The following CFAP54 variants were observed in gnomAD, a reference collection of about 807,000 sequenced individuals.
CFAP54 encodes cilia and flagella associated protein 54.
A neutral mutation model predicts 370.4 loss-of-function variants in CFAP54; 290 were observed. The observed-to-expected ratio is 0.78, with a 90% CI of 0.71 to 0.86. The LOEUF (loss-of-function observed/expected upper bound fraction) is 0.86, where lower values mean the gene tolerates loss of function less well. Among genes scored for constraint, CFAP54 ranks in the 40% least tolerant of loss-of-function variants. CFAP54 has a pLI of 0.00. For missense variants in CFAP54, 3,399 were observed against 3,528.7 expected (o/e 0.96, Z 0.93); for synonymous variants, 1,206 against 1,236.5 (o/e 0.98, Z 0.52).
chr12:96,681,759 C>G (rs191288654), intron 40 of CFAP54, among the ~76,000 whole-genome samples: 2 of 152,118 alleles, frequency 1.3e-5, no homozygotes, highest in African/African-American at 2.4e-5. Context: ...TGCGCCACCA[C>G]GCCCGGCTAA....
Position 96,832,803 on chromosome 12 carries a change from CA to C in CFAP54, c.9171+3717del, listed in dbSNP as rs1377346860. On this transcript the variant is annotated intron_variant, in intron 66 of 67. Transcript: ENST00000524981. Reference sequence around the variant, plus strand: ...GAATTAGGTCTATATTGCAGGATCCCAACATGAGATCCTAGTGGTGAAAGCA... The same window carrying C: ...GAATTAGGTCTATATTGCAGGATCCCACATGAGATCCTAGTGGTGAAAGCA... Among the ~76,000 whole-genome samples the C allele has an allele frequency of 3.3e-5, 5 of 152,208 alleles. No homozygotes were observed. The East Asian group carries it at 9.7e-4, about 29-fold the overall frequency.
chr12:96,517,285 T>C (rs1427364963), intron 5 of CFAP54, among the ~76,000 whole-genome samples: 8 of 152,184 alleles, frequency 5.3e-5, no homozygotes, highest in Admixed American at 5.2e-4. Context: ...CTCTTTTGAT[T>C]AGAGTGAGTT....
chr12:96,698,662 C>T (rs75924857), intron 45 of CFAP54, among the ~76,000 whole-genome samples: 3 of 152,114 alleles, frequency 2.0e-5, no homozygotes, highest in African/African-American at 7.2e-5. Context: ...GAACAATAGA[C>T]GCCAGGGCCT....
intron 63 of CFAP54, among the ~76,000 whole-genome samples, chr12:96,802,408 A>G (rs917034677): frequency 1.3e-5 from 2 of 152,126 alleles, no homozygotes; most frequent in African/African-American, 4.8e-5. Context: ...GGGGAGACCA[A>G]ACTATCCTAA....
intron 49 of CFAP54, 22 bp downstream of exon 49, chr12:96,718,544 A>G (rs1314453589): frequency 6.9e-7 from 1 of 1,449,430 alleles, no homozygotes; most frequent in Non-Finnish European, 9.6e-7. Context: ...ACTGTTTTCA[A>G]ACCATTAAGT....
At chr12:96,599,159 GC>G (rs1322461808) in intron 26 of CFAP54, among the ~76,000 whole-genome samples, 2 of 81,456 alleles carry the variant, frequency 2.5e-5, no homozygotes, top group Non-Finnish European at 5.0e-5. Flanking sequence ...CCCTCCCCCA[GC>G]CCCCCACCCC....
chr12:96,529,051 T>C (rs2136376268), intron 9 of CFAP54, among the ~76,000 whole-genome samples: 1 of 152,250 alleles, frequency 6.6e-6, no homozygotes, highest in East Asian at 1.9e-4. Flanking sequence ...AACCAAAATA[T>C]GGGAGATTTT....
In CFAP54 at chr12:96,647,861, T is replaced by A; in HGVS notation, c.4548-14T>A. ...CTTATATTGTTTTTTAATATGATTT[T>A]TCCCCCCTTGCAGTTTCCGATCATG... On this transcript the variant is annotated splice_polypyrimidine_tract_variant and intron_variant, in intron 33 of 67. Transcript: ENST00000524981. The A allele has an allele frequency of 6.7e-7, 1 of 1,487,748 alleles. No individual in the cohort carries two copies. Among genetic ancestry groups the A allele is most frequent in the South Asian group, 1.4e-5 (1 of 73,956 alleles). The allele number at this position is 1,487,748 out of a possible 1,614,324, so 92.2% of individuals were successfully genotyped here. A position where few individuals can be genotyped will look rare whatever the true frequency, so the allele number is the denominator to read the frequency against.
At chr12:96,699,384 G>C (rs533126718) in intron 45 of CFAP54, among the ~76,000 whole-genome samples, 1 of 152,188 alleles carries the variant, frequency 6.6e-6, no homozygotes, top group South Asian at 2.1e-4. Context: ...CTATTCTCCT[G>C]CCTCATACTT....
intron 48 of CFAP54, among the ~76,000 whole-genome samples, chr12:96,709,589 G>A (rs1477076655): frequency 2.0e-5 from 3 of 152,016 alleles, no homozygotes; most frequent in Non-Finnish European, 2.9e-5. Flanking sequence ...CATCTATTGG[G>A]ATGATTATGT....
chr12:96,590,132 G>T (rs2136433146), intron 23 of CFAP54, among the ~76,000 whole-genome samples: 1 of 152,296 alleles, frequency 6.6e-6, no homozygotes, highest in Middle Eastern at 3.4e-3. Context: ...ACAAACCAAA[G>T]TAATATCAGT....
At chr12:96,816,154 A>G (rs1181405971) in intron 64 of CFAP54, among the ~76,000 whole-genome samples, 1 of 152,204 alleles carries the variant, frequency 6.6e-6, no homozygotes, top group East Asian at 1.9e-4. Flanking sequence ...TACTTTGGGC[A>G]GTATGGCCAT....
chr12:96,555,564 A>C (rs192776343), intron 17 of CFAP54, among the ~76,000 whole-genome samples: 1 of 146,670 alleles, frequency 6.8e-6, no homozygotes, highest in African/African-American at 2.4e-5. Flanking sequence ...TATATAATAC[A>C]TAATATATAA....
At chr12:96,702,739 G>A (rs1381970913) in intron 46 of CFAP54, among the ~76,000 whole-genome samples, 3 of 152,302 alleles carry the variant, frequency 2.0e-5, no homozygotes, top group African/African-American at 4.8e-5. Flanking sequence ...AATTTCAAAA[G>A]TGTAATTAAA....
intron 32 of CFAP54, among the ~76,000 whole-genome samples, chr12:96,641,456 A>G (rs1410043198): frequency 6.6e-6 from 1 of 152,004 alleles, no homozygotes; most frequent in Admixed American, 6.5e-5. Flanking sequence ...GTGGAGAAAT[A>G]GGAACACTTT....
chr12:96,609,038 C>T (rs781282671), intron 26 of CFAP54, among the ~76,000 whole-genome samples: 40 of 152,078 alleles, frequency 2.6e-4, no homozygotes, highest in Non-Finnish European at 5.1e-4. Flanking sequence ...TCCTAAAACA[C>T]GATGACAAAC....
intron 17 of CFAP54, among the ~76,000 whole-genome samples, chr12:96,563,968 G>A (rs1014798429): frequency 1.3e-5 from 2 of 152,174 alleles, no homozygotes; most frequent in Non-Finnish European, 2.9e-5. Flanking sequence ...GCAAGTTCAT[G>A]TTTTAGTTCA....
rs1383270200 is a variant in CFAP54 at position 96,554,753 on chromosome 12, A to G, written c.2361A>G (p.Leu787=). 3 of 1,535,102 alleles carry G rather than the reference A, an allele frequency of 2.0e-6. No homozygotes were observed. In the African/African-American group the frequency reaches 4.1e-5, roughly 21 times the overall value. ...NSFMMDLHLE[L]IQAQHRIAVV... ...TCATGATGGATTTGCATCTTGAACT[A>G]ATTCAAGCTCAGCATCGAATAGCTG... The change falls in exon 17 of 68, where the codon CTA becomes CTG. Residue 787 remains leucine (L), a synonymous_variant. Coordinates refer to ENST00000524981, the MANE Select transcript of CFAP54 (RefSeq NM_001306084.2).
intron 66 of CFAP54, among the ~76,000 whole-genome samples, chr12:96,837,648 A>G (rs1324454738): frequency 6.6e-6 from 1 of 152,234 alleles, no homozygotes; most frequent in Non-Finnish European, 1.5e-5. Flanking sequence ...AAATGCAGGA[A>G]TGACTCATGA....
Sources: allele counts gnomAD v4.1 joint callset (sites outside exome capture counted in the v4.1 genomes callset), GRCh38; gene constraint gnomAD v4.1.1; transcripts MANE v1.5; gene names NCBI Gene and HGNC (gene_info 2026-07-23, HGNC 2026-07-21).